The following ELL variants were observed in gnomAD, a reference collection of about 807,000 sequenced individuals.
The protein encoded by ELL is RNA polymerase II elongation factor ELL.
ELL carries 18 observed loss-of-function variants against 64.0 expected under a neutral mutation model. The observed-to-expected ratio is 0.28, with a 90% CI of 0.19 to 0.42. The LOEUF (loss-of-function observed/expected upper bound fraction) is 0.42. Among genes scored for constraint, ELL ranks in the 10% least tolerant of loss-of-function variants. The pLI, the probability that ELL is intolerant of heterozygous loss-of-function variation, is 1.00. For synonymous variants in ELL, 399 were observed against 376.2 expected (o/e 1.06, Z -0.70); for missense variants, 797 against 870.4 (o/e 0.92, Z 1.06).
chr19:18,446,567 C>G, intron 9 of ELL, 87 bp from the exon 10 acceptor site: 1 of 1,542,136 alleles, frequency 6.5e-7, no homozygotes, highest in Non-Finnish European at 8.7e-7. Context: ...CACCGGCGGC[C>G]TGGCCTCTCG....
chr19:18,507,302 T>C (rs114598924), intron 1 of ELL, among the ~76,000 whole-genome samples: 1,847 of 152,316 alleles, frequency 0.012, 42 homozygotes, highest in African/African-American at 0.042. Flanking sequence ...AAGGGAGAGA[T>C]AACATCCCCA....
At chr19:18,492,465 T>C (rs1311341393) in intron 1 of ELL, among the ~76,000 whole-genome samples, 1 of 152,266 alleles carries the variant, frequency 6.6e-6, no homozygotes, top group Non-Finnish European at 1.5e-5. Flanking sequence ...GCACTATCTG[T>C]GCCTCTGACG....
At chr19:18,473,718 G>GGGGCCCTA (rs1975113642) in intron 1 of ELL, among the ~76,000 whole-genome samples, 1 of 152,128 alleles carries the variant, frequency 6.6e-6, no homozygotes, top group Non-Finnish European at 1.5e-5. Context: ...TTCCCAACCT[G>GGGGCCCTA]GGGCCCTAAG....
intron 1 of ELL, among the ~76,000 whole-genome samples, chr19:18,500,015 A>C (rs527399589): frequency 3.9e-5 from 6 of 152,312 alleles, no homozygotes; most frequent in Middle Eastern, 3.4e-3. Context: ...TAATCCCAAC[A>C]CTTTGGGAAG....
At chr19:18,505,573 T>C (rs1411642836) in intron 1 of ELL, among the ~76,000 whole-genome samples, 2 of 152,142 alleles carry the variant, frequency 1.3e-5, no homozygotes, top group African/African-American at 2.4e-5. Context: ...TACTATGAGA[T>C]AGCCTGGGAG....
rs1403226415 is a variant in ELL, at chr19:18,501,265, C to T, written c.135+20656G>A. ...CACAGCCATGGACCACAGAGAGTAA[C>T]GCAAGTGGGCAAAACACATGAGAAG... On this transcript the variant is annotated intron_variant, in intron 1 of 11. Transcript: ENST00000262809. This position sits in a 1 kb window ranked among gnomAD's most constrained non-coding sequence, Gnocchi z 4.5. Among the ~76,000 whole-genome samples the T allele has an allele frequency of 6.6e-6, 1 of 152,024 alleles. No homozygotes were observed. The highest frequency in any genetic ancestry group is 1.5e-5 in the Non-Finnish European group (1 of 68,014).
chr19:18,449,491 A>G lies in ELL; in HGVS notation c.1465+986T>C, dbSNP rs186232918. On this transcript the variant is annotated intron_variant, in intron 8 of 11. Transcript: ENST00000262809. The surrounding 1 kb of genome is among the most constrained non-coding windows in gnomAD (Gnocchi z 4.4). ...AAAGTCTTCCTTCCTATCCAGTAAG[A>G]CCCAGCCACAGTTGTGAGGACCTGC... 2.3e-3 allele frequency among the ~76,000 whole-genome samples: 347 copies of G among 152,186 alleles called. 2 individuals are homozygous for G. The highest frequency in any genetic ancestry group is 8.0e-3 in the African/African-American group (333 of 41,532).
At position 18,450,842 on chromosome 19, in the gene ELL, G is replaced by A; in HGVS notation, c.1100C>T (p.Pro367Leu). The A allele has an allele frequency of 6.3e-7, 1 of 1,591,244 alleles. No homozygotes were observed. Among genetic ancestry groups the A allele is most frequent in the Non-Finnish European group, 8.6e-7 (1 of 1,167,410 alleles). The part of the protein sequence containing the change: ...GVPNGREALL[P>L]TPGPPASTDT... ...CGTGCTGGCTGGTGGGCCCGGGGTG[G>A]GCAGCAAGGCCTCACGGCCATTGGG... Residue 367 changes from proline to leucine, a missense_variant, in exon 8 of 12, where the codon CCC becomes CTC. Transcript: ENST00000262809.
chr19:18,472,557 C>G, intron 2 of ELL: 4 of 448,290 alleles, frequency 8.9e-6, no homozygotes, highest in Non-Finnish European at 1.6e-5. Context: ...GGGCCCCTGC[C>G]CTATCAGAGT....
At chr19:18,452,195 C>T (rs547096117) in intron 6 of ELL, among the ~76,000 whole-genome samples, 2 of 152,310 alleles carry the variant, frequency 1.3e-5, no homozygotes, top group East Asian at 1.9e-4. Context: ...CCCCCACCCC[C>T]GCCAGCAACC....
intron 1 of ELL, among the ~76,000 whole-genome samples, chr19:18,510,638 C>G (rs1002751465): frequency 5.9e-5 from 9 of 152,204 alleles, no homozygotes; most frequent in African/African-American, 2.2e-4. Flanking sequence ...ACAGGACAGT[C>G]ACATACATGA....
At chr19:18,512,911 T>C (rs1267902286) in intron 1 of ELL, among the ~76,000 whole-genome samples, 1 of 152,138 alleles carries the variant, frequency 6.6e-6, no homozygotes, top group Non-Finnish European at 1.5e-5. Context: ...GAGAGACGCC[T>C]CTTTGTGAAA....
intron 4 of ELL, among the ~76,000 whole-genome samples, chr19:18,465,198 C>T (rs932997825): frequency 2.0e-5 from 3 of 152,236 alleles, no homozygotes; most frequent in Non-Finnish European, 4.4e-5. Context: ...ACCCAACCCC[C>T]TATCCCTCAC....
At position 18,461,047 on chromosome 19, in the gene ELL, C is replaced by T. The variant is rs755144340; in HGVS notation, c.744+531G>A. Among the ~76,000 whole-genome samples, 3 of 152,322 alleles carry T rather than the reference C, an allele frequency of 2.0e-5. No individual in the cohort carries two copies. The East Asian group carries it at 5.8e-4, about 29-fold the overall frequency. ...GTGTTTCTCAAGAGCAGGCTCCACT[C>T]GCCAGCACCACATTCCAGATGGCCT... is the stretch of plus-strand genomic sequence containing the variant. On this transcript the variant is annotated intron_variant, in intron 5 of 11. Transcript: ENST00000262809.
At position 18,501,166 on chromosome 19, in the gene ELL, G is replaced by C. The variant is rs1975772712; in HGVS notation, c.135+20755C>G. 6.6e-6 allele frequency among the ~76,000 whole-genome samples: 1 copy of C among 152,092 alleles called. No individual in the cohort carries two copies. Among genetic ancestry groups the C allele is most frequent in the Non-Finnish European group, 1.5e-5 (1 of 68,006 alleles). ...GTGGGCAGCAAGCAGCACACCTCCA[G>C]GGGCCACGTAGACAACCTGTGACAC... On this transcript the variant is annotated intron_variant, in intron 1 of 11. Transcript: ENST00000262809. The surrounding 1 kb of genome is among the most constrained non-coding windows in gnomAD (Gnocchi z 4.5).
intron 4 of ELL, among the ~76,000 whole-genome samples, chr19:18,462,092 G>C (rs1402589224): frequency 6.6e-6 from 1 of 152,164 alleles, no homozygotes; most frequent in Non-Finnish European, 1.5e-5. Context: ...GCAGGCGGCA[G>C]AACTGTGTTA....
intron 6 of ELL, among the ~76,000 whole-genome samples, chr19:18,457,665 C>G (rs1031714992): frequency 1.3e-5 from 2 of 152,222 alleles, no homozygotes; most frequent in African/African-American, 4.8e-5. Flanking sequence ...AAGTCATTAG[C>G]CGCCTGCCTC....
chr19:18,451,745 G>A, intron 6 of ELL, 97 bp from the exon 7 acceptor site: 1 of 975,410 alleles, frequency 1.0e-6, no homozygotes. Context: ...ATGCCTCAAG[G>A]AAGGGACCCC....
chr19:18,464,077 A>G (rs1974888675), intron 4 of ELL, among the ~76,000 whole-genome samples: 1 of 152,012 alleles, frequency 6.6e-6, no homozygotes, highest in South Asian at 2.1e-4. Flanking sequence ...ATTTATTAAC[A>G]TGTATATGGG....
Sources: gnomAD v4.1 joint callset for allele counts (sites outside exome capture counted in the v4.1 genomes callset) on GRCh38, gnomAD v4.1.1 for gene constraint, Gnocchi (gnomAD v3.1) non-coding constraint, MANE v1.5 for transcripts, NCBI Gene and HGNC (gene_info 2026-07-23, HGNC 2026-07-21) for gene names.